The following CLTCL1 variants were observed in gnomAD, a reference collection of about 807,000 sequenced individuals.
CLTCL1 encodes the protein clathrin heavy chain 2.
Under a neutral mutation model 190.0 loss-of-function variants are expected in CLTCL1, and 159 were observed. The ratio of observed to expected loss-of-function variants is 0.84; its 90% CI spans 0.74 to 0.95. CLTCL1 has a LOEUF of 0.95. Ranked by LOEUF, CLTCL1 falls within the 40% of genes least tolerant of loss-of-function variation. The pLI, the probability that CLTCL1 is intolerant of heterozygous loss-of-function variation, is 0.00. For synonymous variants in CLTCL1, 752 were observed against 769.6 expected (o/e 0.98, Z 0.38); for missense variants, 1,878 against 2,033.4 (o/e 0.92, Z 1.47).
At chr22:19,272,465 C>T (rs1429892698) in intron 2 of CLTCL1, among the ~76,000 whole-genome samples, 3 of 151,904 alleles carry the variant, frequency 2.0e-5, no homozygotes, top group Non-Finnish European at 4.4e-5. Flanking sequence ...GACAGAGTTT[C>T]GCTCTTTTTT....
At chr22:19,257,010 C>T (rs2146117742) in intron 2 of CLTCL1, among the ~76,000 whole-genome samples, 1 of 152,258 alleles carries the variant, frequency 6.6e-6, no homozygotes, top group Non-Finnish European at 1.5e-5. Context: ...AGTCTAGAAA[C>T]AGCTGCATGC....
At chr22:19,249,841 C>T (rs1555969274) in intron 3 of CLTCL1, 1 of 386,024 alleles carries the variant, frequency 2.6e-6, no homozygotes, top group African/African-American at 2.1e-5. Flanking sequence ...CACAAACCAT[C>T]AAAGCTGATT....
chr22:19,180,946 G>A, intron 30 of CLTCL1, 140 bp from the exon 31 acceptor site: 1 of 717,258 alleles, frequency 1.4e-6, no homozygotes, highest in East Asian at 2.6e-5. Context: ...GATGTGGAGT[G>A]GCTCAGCCCA....
intron 24 of CLTCL1, 112 bp from the exon 25 acceptor site, chr22:19,196,768 A>G (rs2084722881): frequency 8.0e-7 from 1 of 1,247,956 alleles, no homozygotes; most frequent in Non-Finnish European, 1.1e-6. Context: ...AATGATCCCG[A>G]GGAGGCATGT....
intron 3 of CLTCL1, among the ~76,000 whole-genome samples, chr22:19,252,560 T>C (rs964984780): frequency 1.3e-5 from 2 of 152,204 alleles, no homozygotes; most frequent in Non-Finnish European, 2.9e-5. Flanking sequence ...TCTTCAAACA[T>C]GTGACAGTTC....
rs371333997 is a variant in CLTCL1, at chr22:19,216,112, T to G, written c.3064A>C (p.Arg1022=). ...CAGCTACCCCTGGCATAGCCTCACC[T>G]GTGCTCGCTGAAGACAGAGTTATCC... is the stretch of plus-strand genomic sequence containing the variant. ...VLDNSVFSEH[R]NLQNLLILTA... Residue 1022 remains arginine (R), a splice_region_variant and synonymous_variant, in exon 19 of 33, where the codon AGG becomes CGG. Coordinates refer to ENST00000427926, the MANE Select transcript of CLTCL1 (RefSeq NM_007098.4). 7.6e-5 allele frequency: 122 copies of G among 1,613,484 alleles called. No homozygotes were observed. In the Middle Eastern group the frequency reaches 1.5e-3, roughly 20 times the overall value.
At chr22:19,272,676 C>T (rs1423652775) in intron 2 of CLTCL1, among the ~76,000 whole-genome samples, 4 of 151,984 alleles carry the variant, frequency 2.6e-5, no homozygotes, top group East Asian at 1.9e-4. Flanking sequence ...ACTCCACGTT[C>T]GTCAGGCTGG....
chr22:19,232,150 G>A (rs375575244), intron 10 of CLTCL1, among the ~76,000 whole-genome samples: 1 of 152,164 alleles, frequency 6.6e-6, no homozygotes, highest in Admixed American at 6.5e-5. Context: ...AATGGTCAGG[G>A]AGAGACAATG....
intron 27 of CLTCL1, among the ~76,000 whole-genome samples, chr22:19,189,923 TCCTTTA>T: frequency 6.6e-6 from 1 of 152,184 alleles, no homozygotes; most frequent in South Asian, 2.1e-4. Flanking sequence ...TCAAATCTTC[TCCTTTA>T]GCTATTTTGA....
rs556962642 is a variant in CLTCL1, at chr22:19,271,170, G to A, written c.250+4453C>T. 2.0e-5 allele frequency among the ~76,000 whole-genome samples: 3 copies of A among 151,896 alleles called. No individual in the cohort carries two copies. The South Asian group carries it at 6.3e-4, about 32-fold the overall frequency. On this transcript the variant is annotated intron_variant, in intron 2 of 32. Coordinates refer to ENST00000427926, the MANE Select transcript of CLTCL1 (RefSeq NM_007098.4). ...CTCCATCTACTTCTAAAAATTAAGA[G>A]AAAAAAGGTAAAGTTTGTAAAAAGA... is the stretch of plus-strand genomic sequence containing the variant.
chr22:19,269,947 T>TAAAAAA (rs35826599), intron 2 of CLTCL1, among the ~76,000 whole-genome samples: 1 of 138,270 alleles, frequency 7.2e-6, no homozygotes, highest in Non-Finnish European at 1.6e-5. Flanking sequence ...AAAGTAAAAT[T>TAAAAAA]AAAAAAAAAA....
intron 1 of CLTCL1, among the ~76,000 whole-genome samples, chr22:19,288,343 A>G (rs1364904373): frequency 1.3e-5 from 2 of 152,150 alleles, no homozygotes; most frequent in African/African-American, 2.4e-5. Context: ...ATGCATAGGG[A>G]AAAAAAGTGT....
intron 17 of CLTCL1, 123 bp from the exon 18 acceptor site, chr22:19,220,130 C>A: frequency 2.5e-6 from 3 of 1,213,734 alleles, no homozygotes; most frequent in Non-Finnish European, 3.6e-6. Context: ...AGGGCCCAGG[C>A]AAGACGCTAT....
intron 1 of CLTCL1, among the ~76,000 whole-genome samples, chr22:19,283,274 TTTTC>T (rs765801493): frequency 1.7e-4 from 26 of 151,514 alleles, no homozygotes; most frequent in Non-Finnish European, 3.1e-4. Flanking sequence ...TTTAAAAAAA[TTTTC>T]TTTCTTTTTT....
At chr22:19,268,729 C>T (rs1555979048) in intron 2 of CLTCL1, among the ~76,000 whole-genome samples, 1 of 152,160 alleles carries the variant, frequency 6.6e-6, no homozygotes, top group East Asian at 1.9e-4. Flanking sequence ...GAGAAACTGG[C>T]ATCCTCATAC....
chr22:19,280,995 T>C (rs1370497949), intron 1 of CLTCL1, among the ~76,000 whole-genome samples: 3 of 150,404 alleles, frequency 2.0e-5, no homozygotes, highest in Non-Finnish European at 3.0e-5. Context: ...TTTTACAAGA[T>C]GAAAAGAGTT....
intron 27 of CLTCL1, among the ~76,000 whole-genome samples, chr22:19,190,813 T>C (rs1555931457): frequency 6.6e-6 from 1 of 151,014 alleles, no homozygotes; most frequent in African/African-American, 2.4e-5. Context: ...AGTCTCACAC[T>C]GTCACCCAGG....
intron 1 of CLTCL1, among the ~76,000 whole-genome samples, chr22:19,280,200 A>G (rs1289805708): frequency 3.9e-5 from 6 of 152,230 alleles, no homozygotes; most frequent in African/African-American, 1.4e-4. Context: ...AGCTTGCTTC[A>G]AAAAGCAGCT....
intron 29 of CLTCL1, chr22:19,184,102 A>G (rs181619502): frequency 1.6e-5 from 4 of 254,288 alleles, no homozygotes; most frequent in Middle Eastern, 1.5e-3. Context: ...GTCTAAGACA[A>G]TATCATTGAC....
Sources: gnomAD v4.1 joint callset for allele counts (sites outside exome capture counted in the v4.1 genomes callset) on GRCh38, gnomAD v4.1.1 for gene constraint, MANE v1.5 for transcripts, NCBI Gene and HGNC (gene_info 2026-07-23, HGNC 2026-07-21) for gene names.